TSNAXIP1: variants seen among roughly 807,000 people sequenced by gnomAD.
TSNAXIP1 encodes the protein translin-associated factor X-interacting protein 1.
In TSNAXIP1, 89 loss-of-function variants were observed where a neutral mutation model predicts 84.8. The ratio of observed to expected loss-of-function variants is 1.05; its 90% CI spans 0.88 to 1.25. TSNAXIP1 has a LOEUF of 1.25. TSNAXIP1 is among the 50% of genes most tolerant of loss of function. The probability of loss-of-function intolerance (pLI) is 0.00; values close to 1 mark genes in which losing one functional copy is unlikely to be tolerated. For missense variants in TSNAXIP1, 874 were observed against 887.6 expected, an observed-to-expected ratio of 0.98 and a Z score of 0.20; for synonymous variants, 347 against 335.2, an observed-to-expected ratio of 1.04 and a Z score of -0.39.
chr16:67,817,850 C>T (rs1016755340), intron 2 of TSNAXIP1, among the ~76,000 whole-genome samples: 8 of 151,610 alleles, frequency 5.3e-5, no homozygotes, highest in Admixed American at 2.6e-4. Context: ...AGTGCCACTG[C>T]GCTCCAGCCT....
chr16:67,823,307 G>A (rs770233825), intron 4 of TSNAXIP1, among the ~76,000 whole-genome samples: 11 of 152,220 alleles, frequency 7.2e-5, no homozygotes, highest in Non-Finnish European at 1.2e-4. Flanking sequence ...CACTCTGGGA[G>A]GCCGAGGTGG....
Position 67,826,759 on chromosome 16 carries a change from C to T in TSNAXIP1, c.1469C>T (p.Ala490Val), listed in dbSNP as rs1398952976. Residue 490 changes from alanine to valine, a missense_variant, in exon 12 of 16, where the codon GCC (alanine) becomes GTC (valine). Ala to Val is a moderately conservative substitution (Grantham distance 64, BLOSUM62 0). Transcript: ENST00000561639. ...CGCTTTGGGCCCAGTGATGCCATGG[C>T]CTGGGCTTATACTATTTTTGAAAAT... ...EHRFGPSDAMAWAYTIFENIK... is the reference protein window; with the variant it reads ...EHRFGPSDAMVWAYTIFENIK... The T allele has an allele frequency of 7.4e-6, 12 of 1,614,026 alleles. No individual in the cohort carries two copies. The highest frequency in any genetic ancestry group is 9.3e-6 in the Non-Finnish European group (11 of 1,180,028).
rs1316450089 is a variant in TSNAXIP1 at position 67,807,133 on chromosome 16, C to T, written c.-17C>T. On this transcript the variant is annotated 5_prime_UTR_variant, in exon 1 of 16. Transcript: ENST00000561639. ...TTCCCAGGCCGCGGGTGCTGATTGC[C>T]CGCCTGCCCGTGGGTCATGGCCTGC... 22 of 1,534,448 alleles carry T rather than the reference C, an allele frequency of 1.4e-5. No individual in the cohort carries two copies. Among genetic ancestry groups the T allele is most frequent in the Non-Finnish European group, 1.8e-5 (21 of 1,146,566 alleles).
At chr16:67,820,756 A>G (rs2056975428) in intron 2 of TSNAXIP1, 83 bp from the exon 3 acceptor site, 4 of 1,067,906 alleles carry the variant, frequency 3.7e-6, no homozygotes, top group Non-Finnish European at 5.3e-6. Flanking sequence ...AAAAAAAGTC[A>G]GGACTGGGGG....
Position 67,807,053 on chromosome 16 carries a change from C to CGGGGGGGG in TSNAXIP1, c.-90_-89insGGGGGGGG, listed in dbSNP as rs3833058. 1 of 1,487,084 alleles carries CGGGGGGGG rather than the reference C, an allele frequency of 6.7e-7. No homozygotes were observed. 92.1% of individuals were successfully genotyped at this position (1,487,084 alleles called of 1,614,324 possible). A position where few individuals can be genotyped will look rare whatever the true frequency, so the allele number is the denominator to read the frequency against. On this transcript the variant is annotated 5_prime_UTR_variant, in exon 1 of 16. Coordinates refer to ENST00000561639, the MANE Select transcript of TSNAXIP1 (RefSeq NM_001288990.3). Reference sequence around the variant, plus strand: ...CGCATCCCTGACTCCGCCCCCGCCGCGGGGGGGCCTCTGGGGCCTGGTCGC... The same window carrying CGGGGGGGG: ...CGCATCCCTGACTCCGCCCCCGCCGCGGGGGGGGGGGGGGGCCTCTGGGGCCTGGTCGC...
chr16:67,814,503 C>A, intron 2 of TSNAXIP1, 102 bp downstream of exon 2: 1 of 941,130 alleles, frequency 1.1e-6, no homozygotes, highest in Non-Finnish European at 1.6e-6. Flanking sequence ...AACATGCCCA[C>A]CTGAAACATG....
intron 1 of TSNAXIP1, among the ~76,000 whole-genome samples, chr16:67,809,505 C>G (rs1455854609): frequency 1.3e-5 from 2 of 151,322 alleles, no homozygotes; most frequent in African/African-American, 4.9e-5. Context: ...TGCCTGTAAT[C>G]CCAGCTATTC....
rs971253259 is a variant in TSNAXIP1 at position 67,807,089 on chromosome 16, G to T, written c.-61G>T. On this transcript the variant is annotated 5_prime_UTR_variant, in exon 1 of 16. Transcript: ENST00000561639. The stretch of plus-strand genomic sequence containing the variant: ...CTGGGGCCTGGTCGCCATGGCGACC[G>T]GCTGTACGCTACCACAGCTTCCCAG... 5.3e-6 allele frequency: 8 copies of T among 1,521,752 alleles called. No individual in the cohort carries two copies. Among genetic ancestry groups the T allele is most frequent in the Non-Finnish European group, 6.2e-6 (7 of 1,137,738 alleles). The allele number at this position is 1,521,752 out of a possible 1,614,324, so 94.3% of individuals were successfully genotyped here. A position where few individuals can be genotyped will look rare whatever the true frequency, so the allele number is the denominator to read the frequency against.
intron 7 of TSNAXIP1, 98 bp from the exon 8 acceptor site, chr16:67,825,569 C>G: frequency 5.4e-6 from 8 of 1,478,424 alleles, no homozygotes; most frequent in Non-Finnish European, 7.3e-6. Context: ...GTGCTGTGGG[C>G]AAGAACCAGG....
chr16:67,826,350 G>A (rs2057449104), intron 10 of TSNAXIP1, 68 bp downstream of exon 10: 2 of 1,602,646 alleles, frequency 1.2e-6, no homozygotes, highest in South Asian at 1.1e-5. Context: ...GCTCAGACAA[G>A]CTTTTGGGGA....
intron 2 of TSNAXIP1, 111 bp downstream of exon 2, chr16:67,814,512 T>C (rs2056379787): frequency 2.3e-6 from 2 of 877,974 alleles, no homozygotes; most frequent in Non-Finnish European, 3.6e-6. Flanking sequence ...ACCTGAAACA[T>C]GCCCACCAGA....
intron 1 of TSNAXIP1, among the ~76,000 whole-genome samples, chr16:67,811,794 G>A (rs2056108577): frequency 6.6e-6 from 1 of 152,014 alleles, no homozygotes; most frequent in Non-Finnish European, 1.5e-5. Flanking sequence ...GAGCACTTGG[G>A]GTTGATCTGT....
At chr16:67,822,980 G>T (rs2057181317) in intron 4 of TSNAXIP1, among the ~76,000 whole-genome samples, 1 of 152,196 alleles carries the variant, frequency 6.6e-6, no homozygotes, top group African/African-American at 2.4e-5. Context: ...TCTAAGATGG[G>T]GAGAGGTTAC....
At position 67,807,054 on chromosome 16, in the gene TSNAXIP1, G is replaced by A. The variant is rs555403160; in HGVS notation, c.-96G>A. The A allele has an allele frequency of 2.8e-5, 41 of 1,480,634 alleles. No individual in the cohort carries two copies. Among genetic ancestry groups the A allele is most frequent in the Non-Finnish European group, 3.6e-5 (40 of 1,120,046 alleles). The allele number at this position is 1,480,634 out of a possible 1,614,324, so 91.7% of individuals were successfully genotyped here. Reference sequence around the variant, plus strand: ...GCATCCCTGACTCCGCCCCCGCCGCGGGGGGGCCTCTGGGGCCTGGTCGCC... The same window carrying A: ...GCATCCCTGACTCCGCCCCCGCCGCAGGGGGGCCTCTGGGGCCTGGTCGCC... On this transcript the variant is annotated 5_prime_UTR_variant, in exon 1 of 16. Transcript: ENST00000561639.
chr16:67,824,775 G>A lies in TSNAXIP1; in HGVS notation c.674G>A (p.Ser225Asn), dbSNP rs2057316249. 1.2e-6 allele frequency: 2 copies of A among 1,613,456 alleles called. No homozygotes were observed. Among genetic ancestry groups the A allele is most frequent in the Non-Finnish European group, 1.7e-6 (2 of 1,179,632 alleles). ...AATGAGGAGAAGATTTCATTGCAGA[G>A]CGAGGTGAATGGAAGTGGTGTGATG... is the stretch of plus-strand genomic sequence containing the variant. ...KKNEEKISLQ[S>N]EVTKLRKNLA... The change falls in exon 6 of 16, where the codon AGC (serine) becomes AAC (asparagine). Residue 225 changes from serine (S) to asparagine (N), a missense_variant. By Grantham distance (46) the Ser-to-Asn change is conservative (BLOSUM62 1). Transcript: ENST00000561639.
chr16:67,825,747 C>T lies in TSNAXIP1; in HGVS notation c.895C>T (p.Leu299Phe), dbSNP rs536434217. The T allele has an allele frequency of 6.2e-7, 1 of 1,614,164 alleles. No individual in the cohort carries two copies. The highest frequency in any genetic ancestry group is 1.3e-5 in the African/African-American group (1 of 75,026). The change falls in exon 8 of 16, where the codon CTC becomes TTC. Residue 299 changes from leucine (L) to phenylalanine (F), a missense_variant. By Grantham distance (22) the Leu-to-Phe change is conservative (BLOSUM62 0). Coordinates refer to ENST00000561639, the MANE Select transcript of TSNAXIP1 (RefSeq NM_001288990.3). Reference sequence around the variant, plus strand: ...AGACCTGACCCGCACGCAGATGGAACTCAACAACATGAAGGCCAACTTTGG... The same window carrying T: ...AGACCTGACCCGCACGCAGATGGAATTCAACAACATGAAGGCCAACTTTGG... ...RQDLTRTQME[L>F]NNMKANFGDV...
chr16:67,825,256 A>G lies in TSNAXIP1; in HGVS notation c.798A>G (p.Ser266=), dbSNP rs1363538235. 1 of 1,614,124 alleles carries G rather than the reference A, an allele frequency of 6.2e-7. No individual in the cohort carries two copies. The highest frequency in any genetic ancestry group is 2.2e-5 in the East Asian group (1 of 44,878). Residue 266 remains serine, a synonymous_variant, in exon 7 of 16, where the codon TCA becomes TCG. Coordinates refer to ENST00000561639, the MANE Select transcript of TSNAXIP1 (RefSeq NM_001288990.3). The stretch of plus-strand genomic sequence containing the variant: ...TGCGGTACCAGCGGGAGGACATGTC[A>G]TTAGCCCAGTCGCCAGGTAAGCCTG... ...NELRYQREDM[S]LAQSPGIWGE...
rs771155773 is a variant in TSNAXIP1, at chr16:67,825,192, G to GA, written c.735dup (p.Asp246ArgfsTer4). On this transcript the variant is annotated frameshift_variant, in exon 7 of 16. Coordinates refer to ENST00000561639, the MANE Select transcript of TSNAXIP1 (RefSeq NM_001288990.3). LOFTEE classifies it high-confidence loss of function. The stretch of plus-strand genomic sequence containing the variant: ...GAGTACCTGCACTACCTCAGTGAGC[G>GA]AGATGCCTGTAAGATCCTCATCGCA... 1.2e-6 allele frequency: 2 copies of GA among 1,614,058 alleles called. No homozygotes were observed. Among genetic ancestry groups the GA allele is most frequent in the African/African-American group, 2.7e-5 (2 of 74,922 alleles).
Position 67,823,703 on chromosome 16 carries a change from G to C in TSNAXIP1, c.465G>C (p.Ala155=). ...CATTACTATCCTCCATCAAGAATGC[G>C]TATGAGGGGATGCTGGGTAAGAATG... ...YKPLLSSIKN[A]YEGMLAHQRE... is the part of the protein sequence containing the mutation. Residue 155 remains alanine (A), a synonymous_variant, in exon 5 of 16, where the codon GCG becomes GCC. Transcript: ENST00000561639. 6.2e-7 allele frequency: 1 copy of C among 1,613,090 alleles called. No individual in the cohort carries two copies. The highest frequency in any genetic ancestry group is 1.1e-5 in the South Asian group (1 of 91,042).
Sources: allele counts gnomAD v4.1 joint callset (sites outside exome capture counted in the v4.1 genomes callset), GRCh38; gene constraint gnomAD v4.1.1; transcripts MANE v1.5; gene names NCBI Gene and HGNC (gene_info 2026-07-23, HGNC 2026-07-21).